ROBO2: variants seen among roughly 807,000 people sequenced by gnomAD.
ROBO2 encodes the protein roundabout guidance receptor 2.
In ROBO2, 53 loss-of-function variants were observed where a neutral mutation model predicts 160.8. The observed-to-expected ratio is 0.33, with a 90% confidence interval of 0.26 to 0.41. ROBO2 has a LOEUF of 0.41. Among genes scored for constraint, ROBO2 ranks in the 10% least tolerant of loss-of-function variants. ROBO2 has a pLI of 1.00. For synonymous variants in ROBO2, 664 were observed against 611.7 expected (o/e 1.09, Z -1.26); for missense variants, 1,577 against 1,722.4 (o/e 0.92, Z 1.49).
intron 2 of ROBO2, among the ~76,000 whole-genome samples, chr3:76,456,519 G>C (rs2077763494): frequency 6.6e-6 from 1 of 152,142 alleles, no homozygotes; most frequent in South Asian, 2.1e-4. Flanking sequence ...CTCAGACCTT[G>C]GACCAGGTTT....
At chr3:76,783,704 T>G (rs2062802522) in intron 2 of ROBO2, among the ~76,000 whole-genome samples, 1 of 150,926 alleles carries the variant, frequency 6.6e-6, no homozygotes, top group Admixed American at 6.6e-5. Flanking sequence ...TAAAAGCCTC[T>G]ATGTTCAATA....
At chr3:76,983,141 C>T (rs1028335912) in intron 2 of ROBO2, among the ~76,000 whole-genome samples, 19 of 151,902 alleles carry the variant, frequency 1.3e-4, no homozygotes, top group Admixed American at 7.9e-4. Context: ...AAAAATTAGC[C>T]GGGCGTGGTG....
chr3:76,338,739 A>C (rs987701322), intron 2 of ROBO2, among the ~76,000 whole-genome samples: 1 of 150,022 alleles, frequency 6.7e-6, no homozygotes, highest in African/African-American at 2.4e-5. Context: ...TATAGAAATT[A>C]TGTATAATTA....
At chr3:76,228,922 G>A (rs1398851174) in intron 2 of ROBO2, among the ~76,000 whole-genome samples, 1 of 152,170 alleles carries the variant, frequency 6.6e-6, no homozygotes, top group Non-Finnish European at 1.5e-5. Context: ...TGAGATGGGA[G>A]GATTGTTTGA....
intron 2 of ROBO2, among the ~76,000 whole-genome samples, chr3:77,180,689 A>G (rs930966414): frequency 1.3e-5 from 2 of 151,946 alleles, no homozygotes; most frequent in African/African-American, 2.4e-5. Flanking sequence ...TTATCTCTAC[A>G]TAATTTAAAG....
intron 1 of ROBO2, among the ~76,000 whole-genome samples, chr3:77,053,723 G>C (rs2065440327): frequency 6.6e-6 from 1 of 152,160 alleles, no homozygotes; most frequent in Admixed American, 6.5e-5. Context: ...TTAGGCAGCA[G>C]AAAATATTAG....
intron 2 of ROBO2, among the ~76,000 whole-genome samples, chr3:77,033,104 C>T (rs556612892): frequency 1.3e-5 from 2 of 152,120 alleles, no homozygotes; most frequent in Admixed American, 1.3e-4. Flanking sequence ...CTATTGTTAT[C>T]TTTGTTTTAT....
chr3:76,424,013 A>G (rs1201013906), intron 2 of ROBO2, among the ~76,000 whole-genome samples: 2 of 152,186 alleles, frequency 1.3e-5, no homozygotes. Context: ...CAAAACGTCG[A>G]TGAATCAAGT....
At chr3:76,703,514 T>C (rs983559020) in intron 2 of ROBO2, among the ~76,000 whole-genome samples, 2 of 151,734 alleles carry the variant, frequency 1.3e-5, no homozygotes, top group Non-Finnish European at 2.9e-5. Context: ...CTCCCTCCCC[T>C]TTCCCCCACC....
intron 2 of ROBO2, among the ~76,000 whole-genome samples, chr3:76,193,027 CA>C (rs553078799): frequency 3.5e-4 from 54 of 152,234 alleles, no homozygotes; most frequent in Non-Finnish European, 6.3e-4. Flanking sequence ...TAGCATTTAA[CA>C]CTGAGGGTCA....
chr3:76,752,368 A>G (rs140640635), intron 2 of ROBO2, among the ~76,000 whole-genome samples: 2,383 of 151,818 alleles, frequency 0.016, 26 homozygotes, highest in Middle Eastern at 0.051. Flanking sequence ...CAGCACACCA[A>G]CATGGCACAT....
intron 2 of ROBO2, among the ~76,000 whole-genome samples, chr3:76,955,192 G>T (rs1025787583): frequency 2.0e-5 from 3 of 152,194 alleles, no homozygotes; most frequent in Non-Finnish European, 2.9e-5. Flanking sequence ...ATCATAGCAT[G>T]CATCAGAACT....
rs1025649513 is a variant in ROBO2, at chr3:77,240,144, C to T, written c.388+141804C>T. Reference sequence around the variant, plus strand: ...GGACTGGGGGCCATGGAGCATGGGGCGGCGCCCGTCGGGGAGGCTCGGGCC... The same window carrying T: ...GGACTGGGGGCCATGGAGCATGGGGTGGCGCCCGTCGGGGAGGCTCGGGCC... On this transcript the variant is annotated intron_variant, in intron 2 of 25. Transcript: ENST00000461745. 4.6e-5 allele frequency among the ~76,000 whole-genome samples: 7 copies of T among 152,106 alleles called. No homozygotes were observed. The East Asian group carries it at 5.8e-4, about 13-fold the overall frequency.
intron 2 of ROBO2, among the ~76,000 whole-genome samples, chr3:77,402,408 G>A (rs9855735): frequency 0.14 from 20,802 of 151,858 alleles, 1,534 homozygotes; most frequent in East Asian, 0.25. Context: ...TATTCTGCAC[G>A]TGTGTCCCAG....
chr3:77,071,736 G>T (rs1306786932), intron 1 of ROBO2, among the ~76,000 whole-genome samples: 1 of 152,128 alleles, frequency 6.6e-6, no homozygotes, highest in Non-Finnish European at 1.5e-5. Flanking sequence ...TTTAAAACGT[G>T]ATTAGGAAAC....
intron 2 of ROBO2, among the ~76,000 whole-genome samples, chr3:76,619,564 T>C (rs2088894160): frequency 6.6e-6 from 1 of 152,196 alleles, no homozygotes; most frequent in Non-Finnish European, 1.5e-5. Flanking sequence ...CTCCATACAG[T>C]AAGGATATTA....
At chr3:76,808,954 G>C (rs1458904268) in intron 2 of ROBO2, among the ~76,000 whole-genome samples, 1 of 152,086 alleles carries the variant, frequency 6.6e-6, no homozygotes, top group Non-Finnish European at 1.5e-5. Context: ...CTCCAGGTAG[G>C]ATCTTGGCTC....
intron 2 of ROBO2, among the ~76,000 whole-genome samples, chr3:76,883,731 C>T (rs1416772362): frequency 1.3e-5 from 2 of 152,188 alleles, no homozygotes; most frequent in African/African-American, 2.4e-5. Context: ...TAAGGCATAG[C>T]TACTGTCAAT....
intron 2 of ROBO2, among the ~76,000 whole-genome samples, chr3:75,988,175 T>C (rs144499746): frequency 2.8e-4 from 42 of 152,226 alleles, no homozygotes; most frequent in African/African-American, 8.7e-4. Context: ...TTTTCTTTGT[T>C]GCTAGATTTT....
Sources: allele counts gnomAD v4.1 joint callset (sites outside exome capture counted in the v4.1 genomes callset), GRCh38; gene constraint gnomAD v4.1.1; transcripts MANE v1.5; gene names NCBI Gene and HGNC (gene_info 2026-07-23, HGNC 2026-07-21).